Variants in MUC7 observed in about 807,000 individuals in gnomAD.
MUC7 encodes the protein mucin-7.
In MUC7, 2 loss-of-function variants were observed where a neutral mutation model predicts 2.5. The ratio of observed to expected loss-of-function variants is 0.81; its 90% CI spans 0.33 to 2.55. MUC7 has a LOEUF of 2.55. Ranked by LOEUF, MUC7 falls within the 30% of genes most tolerant of loss-of-function variation. The pLI, the probability that MUC7 is intolerant of heterozygous loss-of-function variation, is 0.11. For missense variants in MUC7, 408 were observed against 455.6 expected, an observed-to-expected ratio of 0.90 and a Z score of 0.95; for synonymous variants, 133 against 173.4, an observed-to-expected ratio of 0.77 and a Z score of 1.83.
rs558893967 is a variant in MUC7 at position 70,434,845 on chromosome 4, G to T, written c.-93+4158G>T. 2.2e-4 allele frequency among the ~76,000 whole-genome samples: 34 copies of T among 152,228 alleles called. 1 individual carries two copies. The South Asian group carries it at 6.9e-3, about 31-fold the overall frequency. ...TCCTGCTTTCTCTTGTGGGCATTTA[G>T]TGCTATAAATTTCCCTCTACACACT... On this transcript the variant is annotated intron_variant, in intron 1 of 3. Transcript: ENST00000413702.
At chr4:70,433,531 G>C (rs72852784) in intron 1 of MUC7, among the ~76,000 whole-genome samples, 1,720 of 152,054 alleles carry the variant, frequency 0.011, 32 homozygotes, top group African/African-American at 0.039. Flanking sequence ...CTCTCAGTTT[G>C]TTATTGGTGT....
upstream of MUC7, among the ~76,000 whole-genome samples, chr4:70,469,577 C>A (rs1734778642): frequency 6.6e-6 from 1 of 152,018 alleles, no homozygotes; most frequent in Non-Finnish European, 1.5e-5. Flanking sequence ...AGCAAACAAC[C>A]CCATCAAAAA....
chr4:70,435,191 G>C (rs1004609374), intron 1 of MUC7, among the ~76,000 whole-genome samples: 3 of 152,164 alleles, frequency 2.0e-5, no homozygotes, highest in South Asian at 2.1e-4. Context: ...CTGTTGACTT[G>C]GGGTGGAGAA....
At chr4:70,441,821 C>A (rs1734013879) in intron 1 of MUC7, among the ~76,000 whole-genome samples, 1 of 152,130 alleles carries the variant, frequency 6.6e-6, no homozygotes, top group Admixed American at 6.5e-5. Context: ...GTCCTTTAGG[C>A]CTACCATCCA....
At chr4:70,446,828 T>A (rs972822234) in intron 1 of MUC7, among the ~76,000 whole-genome samples, 5 of 152,222 alleles carry the variant, frequency 3.3e-5, no homozygotes, top group Admixed American at 6.5e-5. Flanking sequence ...TTGGTTTAGA[T>A]AATGGTTCTT....
intron 1 of MUC7, among the ~76,000 whole-genome samples, chr4:70,444,925 G>A (rs983885241): frequency 2.0e-5 from 3 of 152,016 alleles, no homozygotes; most frequent in Non-Finnish European, 4.4e-5. Context: ...GGGGGCATGC[G>A]CCTGTAGTTC....
chr4:70,468,223 C>T (rs1734730390), upstream of MUC7, among the ~76,000 whole-genome samples: 1 of 152,144 alleles, frequency 6.6e-6, no homozygotes, highest in African/African-American at 2.4e-5. Context: ...ATGCTAAAAA[C>T]TCTCAATAAA....
chr4:70,461,170 G>C (rs1035004270), intron 1 of MUC7, among the ~76,000 whole-genome samples: 2 of 152,180 alleles, frequency 1.3e-5, no homozygotes, highest in South Asian at 4.1e-4. Context: ...CTGTTGGACT[G>C]TAGTGGCCTC....
chr4:70,461,819 G>A (rs1734564693), intron 1 of MUC7, among the ~76,000 whole-genome samples: 2 of 148,502 alleles, frequency 1.3e-5, no homozygotes, highest in African/African-American at 2.5e-5. Flanking sequence ...AAAAAAAAAA[G>A]GAGAAAGAAA....
chr4:70,434,568 C>T (rs1022947776), intron 1 of MUC7, among the ~76,000 whole-genome samples: 2 of 151,908 alleles, frequency 1.3e-5, no homozygotes, highest in Admixed American at 1.3e-4. Flanking sequence ...TGGTGATATC[C>T]CCTTTATCAT....
At chr4:70,436,702 T>G (rs1475760276) in intron 1 of MUC7, among the ~76,000 whole-genome samples, 1 of 152,198 alleles carries the variant, frequency 6.6e-6, no homozygotes, top group African/African-American at 2.4e-5. Context: ...CTTCTGTCAA[T>G]TCGTCAAACT....
Position 70,455,991 on chromosome 4 carries a change from T to A in MUC7, c.-92-16224T>A, listed in dbSNP as rs543218520. Reference sequence around the variant, plus strand: ...GTTCTCAAGAAGTTCCTAATTTCCATGTGAGACCTCTTCAGGCTGGACTTT... The same window carrying A: ...GTTCTCAAGAAGTTCCTAATTTCCAAGTGAGACCTCTTCAGGCTGGACTTT... On this transcript the variant is annotated intron_variant, in intron 1 of 3. Coordinates refer to the MUC7 transcript ENST00000413702. Among the ~76,000 whole-genome samples the A allele has an allele frequency of 4.1e-4, 62 of 152,276 alleles. No individual in the cohort carries two copies. The South Asian group carries it at 0.012, about 29-fold the overall frequency.
chr4:70,462,807 TAA>T (rs33971256), intron 1 of MUC7, among the ~76,000 whole-genome samples: 11 of 150,072 alleles, frequency 7.3e-5, no homozygotes, highest in East Asian at 5.9e-4. Context: ...ACCCTATCTC[TAA>T]AAAAAAAAAT....
intron 1 of MUC7, among the ~76,000 whole-genome samples, chr4:70,439,403 G>A (rs1733945798): frequency 6.6e-6 from 1 of 152,108 alleles, no homozygotes; most frequent in Admixed American, 6.5e-5. Flanking sequence ...GTTTAAGCAG[G>A]GGATTTGGTG....
chr4:70,472,277 T>G lies in MUC7; in HGVS notation c.-30T>G, dbSNP rs1198106696. Reference sequence around the variant, plus strand: ...GGATTGAACACCCTAAGAAGAAAGATTCACACTGCACCAGGTATGTGGATA... The same window carrying G: ...GGATTGAACACCCTAAGAAGAAAGAGTCACACTGCACCAGGTATGTGGATA... On this transcript the variant is annotated 5_prime_UTR_variant, in exon 1 of 3. Coordinates refer to ENST00000304887, the MANE Select transcript of MUC7 (RefSeq NM_152291.3). 6.6e-6 allele frequency: 1 copy of G among 152,190 alleles called. No homozygotes were observed. The highest frequency in any genetic ancestry group is 6.5e-5 in the Admixed American group (1 of 15,272). The allele number at this position is 152,190 out of a possible 1,614,324, so 9.4% of individuals were successfully genotyped here.
intron 1 of MUC7, among the ~76,000 whole-genome samples, chr4:70,447,527 A>ACTAT (rs1355791762): frequency 6.6e-6 from 1 of 152,180 alleles, no homozygotes; most frequent in East Asian, 1.9e-4. Flanking sequence ...TTTTAATTAC[A>ACTAT]CTATCTCTTG....
intron 1 of MUC7, among the ~76,000 whole-genome samples, chr4:70,457,263 T>G (rs549147778): frequency 6.6e-6 from 1 of 152,226 alleles, no homozygotes; most frequent in African/African-American, 2.4e-5. Context: ...TACAACATAG[T>G]GAGACACCCA....
chr4:70,439,424 G>C (rs976022515), intron 1 of MUC7, among the ~76,000 whole-genome samples: 2 of 152,132 alleles, frequency 1.3e-5, no homozygotes, highest in African/African-American at 4.8e-5. Flanking sequence ...CCCGACTTTT[G>C]TTTTTAAAAG....
rs180727790 is a variant in MUC7, at chr4:70,448,205, G to A, written c.-93+17518G>A. 5.5e-3 allele frequency among the ~76,000 whole-genome samples: 845 copies of A among 152,270 alleles called. 4 individuals are homozygous for A. The highest frequency in any genetic ancestry group is 0.015 in the South Asian group (74 of 4,826). On this transcript the variant is annotated intron_variant, in intron 1 of 3. Transcript: ENST00000413702. ...TCATCTGTTGGTAGACATTTAGGTT[G>A]ATTCCAAATTTTGGCTATTGTGAAT...
Sources: gnomAD v4.1 joint callset for allele counts (sites outside exome capture counted in the v4.1 genomes callset) on GRCh38, gnomAD v4.1.1 for gene constraint, MANE v1.5 for transcripts, NCBI Gene and HGNC (gene_info 2026-07-23, HGNC 2026-07-21) for gene names.